The following RHBDD1 variants were observed in gnomAD, a reference collection of about 807,000 sequenced individuals.
RHBDD1 encodes rhomboid domain containing 1, also known as rhomboid-related protein 4.
RHBDD1 carries 38 observed loss-of-function variants against 36.3 expected under a neutral mutation model. The observed-to-expected ratio is 1.05, with a 90% CI of 0.81 to 1.37. RHBDD1 has a LOEUF of 1.37. RHBDD1 is among the 40% of genes most tolerant of loss of function. RHBDD1 has a pLI of 0.00. For synonymous variants in RHBDD1, 151 were observed against 136.5 expected (o/e 1.11, Z -0.74); for missense variants, 393 against 377.6 (o/e 1.04, Z -0.34).
upstream of RHBDD1, among the ~76,000 whole-genome samples, chr2:226,832,070 G>C (rs939801867): frequency 2.0e-5 from 3 of 149,338 alleles, no homozygotes; most frequent in African/African-American, 4.9e-5. Context: ...AAAGGTTTAC[G>C]TTCCTCCTCT....
the RHBDD1 span, among the ~76,000 whole-genome samples, chr2:226,821,020 G>C: frequency 6.6e-5 from 10 of 152,152 alleles, no homozygotes; most frequent in East Asian, 1.9e-3. Flanking sequence ...ATCCTCTCCT[G>C]TGTCTGCCAC....
chr2:226,906,673 T>G (rs978909), intron 5 of RHBDD1, 120 bp from the exon 6 acceptor site: 665,256 of 1,558,962 alleles, frequency 0.43, 145,780 homozygotes, highest in African/African-American at 0.65. Flanking sequence ...CATAAAAGAC[T>G]TGATGTGGAA....
At chr2:226,818,123 T>G in the RHBDD1 span, among the ~76,000 whole-genome samples, 1 of 151,666 alleles carries the variant, frequency 6.6e-6, no homozygotes, top group South Asian at 2.1e-4. Context: ...GGTTGGTCCA[T>G]CTATAGTCTT....
In RHBDD1 at chr2:226,963,097, A is replaced by T. The variant is rs1352926001; in HGVS notation, c.857-32334A>T. On this transcript the variant is annotated intron_variant, in intron 8 of 8. Transcript: ENST00000392062. ...CACCTCTCCCCTAGTTCTGACCCCC[A>T]AAAGTGTCCCCAGATGTTGCCAGTT... Among the ~76,000 whole-genome samples, 14 of 152,054 alleles carry T rather than the reference A, an allele frequency of 9.2e-5. No homozygotes were observed. The South Asian group carries it at 2.9e-3, about 32-fold the overall frequency.
At chr2:226,958,852 A>G (rs532434169) in intron 8 of RHBDD1, among the ~76,000 whole-genome samples, 1 of 152,114 alleles carries the variant, frequency 6.6e-6, no homozygotes, top group Non-Finnish European at 1.5e-5. Context: ...CTTTGAGTTC[A>G]TTCCCTTGAT....
intron 3 of RHBDD1, among the ~76,000 whole-genome samples, chr2:226,840,593 C>T (rs1941505990): frequency 6.6e-6 from 1 of 152,186 alleles, no homozygotes; most frequent in Admixed American, 6.5e-5. Context: ...AGAAGCTCTA[C>T]AGTACTGGTT....
intron 8 of RHBDD1, among the ~76,000 whole-genome samples, chr2:226,922,813 G>A (rs1168584199): frequency 2.0e-5 from 3 of 151,930 alleles, no homozygotes; most frequent in Non-Finnish European, 4.4e-5. Context: ...TTACCATGAG[G>A]CTTGAAATTA....
chr2:226,836,442 G>T (rs1271660402), intron 1 of RHBDD1, among the ~76,000 whole-genome samples: 4 of 152,212 alleles, frequency 2.6e-5, no homozygotes, highest in Non-Finnish European at 5.9e-5. Context: ...TTGAAGTGAC[G>T]TTGCATCAGC....
At chr2:226,977,094 G>A (rs1384765551) in intron 8 of RHBDD1, among the ~76,000 whole-genome samples, 1 of 152,054 alleles carries the variant, frequency 6.6e-6, no homozygotes, top group East Asian at 1.9e-4. Flanking sequence ...CTGTCTTCAT[G>A]GAAAAAGGGA....
intron 8 of RHBDD1, among the ~76,000 whole-genome samples, chr2:226,971,758 T>TC (rs1325741056): frequency 6.6e-6 from 1 of 152,314 alleles, no homozygotes; most frequent in East Asian, 1.9e-4. Context: ...TTGCTCTAAG[T>TC]TATCTGTCAT....
At chr2:226,852,983 G>T (rs1422974209) in intron 3 of RHBDD1, among the ~76,000 whole-genome samples, 3 of 150,082 alleles carry the variant, frequency 2.0e-5, no homozygotes, top group Admixed American at 6.7e-5. Context: ...TTTCCAGGCT[G>T]GTCTTGAATT....
chr2:226,994,837 C>T (rs538229256), intron 8 of RHBDD1, among the ~76,000 whole-genome samples: 19 of 152,282 alleles, frequency 1.2e-4, no homozygotes, highest in African/African-American at 4.3e-4. Flanking sequence ...TTTTCAGTAA[C>T]GATTTCCACA....
At chr2:226,988,611 C>T in intron 8 of RHBDD1, 1 of 1,350,300 alleles carries the variant, frequency 7.4e-7, no homozygotes, top group Non-Finnish European at 9.5e-7. Context: ...TCCAGCTGCC[C>T]CTCCGAGCAG....
At chr2:226,937,656 A>T (rs1465151076) in intron 8 of RHBDD1, among the ~76,000 whole-genome samples, 1 of 152,068 alleles carries the variant, frequency 6.6e-6, no homozygotes, top group Non-Finnish European at 1.5e-5. Flanking sequence ...ATGCGTTCTC[A>T]TCATTTATCT....
At chr2:226,977,191 C>T (rs1439766463) in intron 8 of RHBDD1, among the ~76,000 whole-genome samples, 1 of 152,188 alleles carries the variant, frequency 6.6e-6, no homozygotes, top group South Asian at 2.1e-4. Flanking sequence ...TTGGATGTCT[C>T]GCGTCTCTGG....
chr2:226,819,036 G>A, the RHBDD1 span, among the ~76,000 whole-genome samples: 80 of 152,104 alleles, frequency 5.3e-4, 1 homozygote, highest in Admixed American at 3.3e-3. Context: ...TTGTCACCAC[G>A]ATGCTTCAGA....
At chr2:226,976,546 C>T (rs866833393) in intron 8 of RHBDD1, among the ~76,000 whole-genome samples, 2 of 152,082 alleles carry the variant, frequency 1.3e-5, no homozygotes, top group South Asian at 2.1e-4. Context: ...GACTCACCAC[C>T]GTATACTGAT....
chr2:226,987,839 C>T (rs984054759), intron 8 of RHBDD1, among the ~76,000 whole-genome samples: 1 of 152,232 alleles, frequency 6.6e-6, no homozygotes, highest in Non-Finnish European at 1.5e-5. Flanking sequence ...CCAACCACCA[C>T]TTACTGCATC....
chr2:226,986,433 T>G (rs745745007), intron 8 of RHBDD1, among the ~76,000 whole-genome samples: 15 of 152,136 alleles, frequency 9.9e-5, no homozygotes, highest in Admixed American at 2.6e-4. Flanking sequence ...CTTTGCAACT[T>G]TTACGTAAAT....
Sources: gnomAD v4.1 joint callset for allele counts (sites outside exome capture counted in the v4.1 genomes callset) on GRCh38, gnomAD v4.1.1 for gene constraint, MANE v1.5 for transcripts, NCBI Gene and HGNC (gene_info 2026-07-23, HGNC 2026-07-21) for gene names.